NME7: variants seen among roughly 807,000 people sequenced by gnomAD.
NME7 encodes nucleoside diphosphate kinase 7.
In NME7, 41 loss-of-function variants were observed where a neutral mutation model predicts 49.1. The observed-to-expected ratio is 0.83, with a 90% CI of 0.65 to 1.08. NME7 has a LOEUF of 1.08. Among genes scored for constraint, NME7 ranks in the 50% least tolerant of loss-of-function variants. The pLI, the probability that NME7 is intolerant of heterozygous loss-of-function variation, is 0.00. For synonymous variants in NME7, 139 were observed against 150.6 expected, an observed-to-expected ratio of 0.92 and a Z score of 0.56; for missense variants, 423 against 463.4, an observed-to-expected ratio of 0.91 and a Z score of 0.80.
chr1:169,323,656 A>G (rs1651939342), intron 2 of NME7, among the ~76,000 whole-genome samples: 1 of 152,142 alleles, frequency 6.6e-6, no homozygotes, highest in Non-Finnish European at 1.5e-5. Context: ...ACTTGTTAAA[A>G]TTGTGTTGCC....
intron 1 of NME7, among the ~76,000 whole-genome samples, chr1:169,335,721 A>G (rs1652436468): frequency 7.0e-6 from 1 of 143,792 alleles, no homozygotes; most frequent in African/African-American, 2.7e-5. Flanking sequence ...TATATATTAA[A>G]TAAATAATAT....
At chr1:169,349,956 C>T (rs528308903) in intron 1 of NME7, among the ~76,000 whole-genome samples, 6 of 151,904 alleles carry the variant, frequency 3.9e-5, no homozygotes, top group Admixed American at 6.6e-5. Context: ...TTTGGGAGGC[C>T]GAGGCAGATG....
In NME7 at chr1:169,256,375, G is replaced by A. The variant is rs563862440; in HGVS notation, c.755-18688C>T. On this transcript the variant is annotated intron_variant, in intron 7 of 11. Transcript: ENST00000367811. ...TCGCATCGACTCCTGAGGCTTCTGC[G>A]TTCTTCACGTAGTTCTCGAGCCTTG... is the stretch of plus-strand genomic sequence containing the variant. 8.8e-4 allele frequency among the ~76,000 whole-genome samples: 118 copies of A among 133,780 alleles called. 11 individuals are homozygous for A. The highest frequency in any genetic ancestry group is 2.8e-3 in the African/African-American group (109 of 39,568). 87.8% of individuals were successfully genotyped at this position (133,780 alleles called of 152,430 possible). A position where few individuals can be genotyped will look rare whatever the true frequency, so the allele number is the denominator to read the frequency against.
intron 7 of NME7, among the ~76,000 whole-genome samples, chr1:169,241,891 C>G (rs1290840061): frequency 6.6e-6 from 1 of 151,610 alleles, no homozygotes; most frequent in East Asian, 1.9e-4. Flanking sequence ...AAAAACGAAA[C>G]TACACTCCAA....
intron 7 of NME7, among the ~76,000 whole-genome samples, chr1:169,277,040 G>A (rs1446344804): frequency 6.6e-6 from 1 of 150,456 alleles, no homozygotes; most frequent in African/African-American, 2.4e-5. Context: ...TGATTGCACT[G>A]TGGTCTGAGA....
At chr1:169,301,139 A>G (rs938762495) in intron 5 of NME7, among the ~76,000 whole-genome samples, 3 of 152,160 alleles carry the variant, frequency 2.0e-5, no homozygotes, top group Non-Finnish European at 4.4e-5. Flanking sequence ...GAGTAAAAAG[A>G]CAATCCACAG....
rs1165668294 is a variant in NME7 at position 169,356,510 on chromosome 1, T to C, written c.3+11198A>G. ...GTATGTAAAACTGGAAAAAAAAAGA[T>C]GTAAACTTTGAAAATGTATATCTCA... is the stretch of plus-strand genomic sequence containing the variant. On this transcript the variant is annotated intron_variant, in intron 1 of 11. Coordinates refer to ENST00000367811, the MANE Select transcript of NME7 (RefSeq NM_013330.5). 2.6e-5 allele frequency among the ~76,000 whole-genome samples: 4 copies of C among 152,154 alleles called. No homozygotes were observed. In the East Asian group the frequency reaches 7.7e-4, roughly 29 times the overall value.
At chr1:169,355,145 A>ATATATTG (rs1653378100) in intron 1 of NME7, among the ~76,000 whole-genome samples, 1 of 38,696 alleles carries the variant, frequency 2.6e-5, no homozygotes, top group African/African-American at 1.1e-4. Context: ...ATAATATATA[A>ATATATTG]TATACTATAT....
chr1:169,313,519 A>G (rs1651494325), intron 3 of NME7, among the ~76,000 whole-genome samples: 1 of 152,212 alleles, frequency 6.6e-6, no homozygotes, highest in South Asian at 2.1e-4. Flanking sequence ...AAAAGACAGA[A>G]GCAAAGACAA....
At chr1:169,273,433 C>T (rs1339332543) in intron 7 of NME7, among the ~76,000 whole-genome samples, 1 of 131,814 alleles carries the variant, frequency 7.6e-6, no homozygotes, top group Non-Finnish European at 1.8e-5. Context: ...CGTATATGCA[C>T]CACACTTTCT....
chr1:169,239,451 A>G (rs1398480068), intron 7 of NME7, among the ~76,000 whole-genome samples: 1 of 151,996 alleles, frequency 6.6e-6, no homozygotes, highest in African/African-American at 2.4e-5. Context: ...GAAGAATGAC[A>G]ATACTTTTAA....
At chr1:169,320,209 A>G (rs1170889066) in intron 3 of NME7, among the ~76,000 whole-genome samples, 2 of 152,220 alleles carry the variant, frequency 1.3e-5, no homozygotes, top group Non-Finnish European at 2.9e-5. Flanking sequence ...TAAAATTAAA[A>G]TCAAAGACTG....
intron 10 of NME7, among the ~76,000 whole-genome samples, chr1:169,176,566 C>A (rs1254241983): frequency 6.6e-6 from 1 of 152,064 alleles, no homozygotes; most frequent in African/African-American, 2.4e-5. Flanking sequence ...TTAGATAATT[C>A]AATCCTGTCT....
At position 169,140,222 on chromosome 1, in the gene NME7, T is replaced by C. The variant is rs1168907745; in HGVS notation, c.1099-7405A>G. 3.3e-5 allele frequency among the ~76,000 whole-genome samples: 5 copies of C among 152,146 alleles called. No homozygotes were observed. The South Asian group carries it at 6.2e-4, about 19-fold the overall frequency. ...ATAGGTAAAGGGCTTGTGGAAAGTA[T>C]TTTTTTAAACTTTTCTATAAGTCTG... On this transcript the variant is annotated intron_variant, in intron 11 of 11. Transcript: ENST00000367811.
chr1:169,167,992 T>C (rs1170979459), intron 11 of NME7, among the ~76,000 whole-genome samples: 1 of 152,182 alleles, frequency 6.6e-6, no homozygotes, highest in South Asian at 2.1e-4. Context: ...GGTTGTTAAC[T>C]GTCTCTCTGA....
chr1:169,300,188 T>A (rs1034414690), intron 5 of NME7, among the ~76,000 whole-genome samples: 3 of 152,166 alleles, frequency 2.0e-5, no homozygotes, highest in Admixed American at 1.3e-4. Context: ...ATTTACTGCA[T>A]GCAAATCACA....
At chr1:169,168,217 C>T (rs975813254) in intron 11 of NME7, among the ~76,000 whole-genome samples, 1 of 152,160 alleles carries the variant, frequency 6.6e-6, no homozygotes, top group African/African-American at 2.4e-5. Flanking sequence ...GCTTGGCCCT[C>T]TTCCAAGTGT....
chr1:169,278,498 A>G (rs200341929), intron 7 of NME7, among the ~76,000 whole-genome samples: 10,381 of 151,816 alleles, frequency 0.068, 1,425 homozygotes, highest in East Asian at 0.66. Context: ...AGGCTTCTGC[A>G]TTCTTCACGT....
chr1:169,308,591 T>C (rs192166689), intron 4 of NME7, among the ~76,000 whole-genome samples: 1 of 152,340 alleles, frequency 6.6e-6, no homozygotes, highest in Non-Finnish European at 1.5e-5. Context: ...GTCTTTGCTT[T>C]GTCCATTTGG....
Sources: gnomAD v4.1 joint callset for allele counts (sites outside exome capture counted in the v4.1 genomes callset) on GRCh38, gnomAD v4.1.1 for gene constraint, MANE v1.5 for transcripts, NCBI Gene and HGNC (gene_info 2026-07-23, HGNC 2026-07-21) for gene names.